The following GLYR1 variants were observed in gnomAD, a reference collection of about 807,000 sequenced individuals.
The protein encoded by GLYR1 is glyoxylate reductase 1 homolog, also known as cytokine-like nuclear factor N-PAC.
GLYR1 carries 21 observed loss-of-function variants against 72.7 expected under a neutral mutation model. The observed-to-expected ratio is 0.29, with a 90% CI of 0.20 to 0.42. GLYR1 has a LOEUF of 0.42. GLYR1 is among the 10% of genes least tolerant of loss of function. The pLI, the probability that GLYR1 is intolerant of heterozygous loss-of-function variation, is 1.00. For synonymous variants in GLYR1, 392 were observed against 270.2 expected, an observed-to-expected ratio of 1.45 and a Z score of -4.42; for missense variants, 594 against 712.1, an observed-to-expected ratio of 0.83 and a Z score of 1.89.
chr16:4,846,991 C>T, intron 1 of GLYR1: 1 of 550,218 alleles, frequency 1.8e-6, no homozygotes, highest in East Asian at 3.4e-5. Flanking sequence ...GTGCAGACCC[C>T]ACCCGGCCGG....
intron 9 of GLYR1, 21 bp downstream of exon 9, chr16:4,821,359 C>G (rs766912307): frequency 1.2e-6 from 2 of 1,611,598 alleles, no homozygotes; most frequent in African/African-American, 2.7e-5. Flanking sequence ...CCACTGGAGG[C>G]CTTTTCATCA....
rs200289403 is a variant in GLYR1 at position 4,821,473 on chromosome 16, A to G, written c.733-20T>C. On this transcript the variant is annotated intron_variant, in intron 8 of 15. Coordinates refer to ENST00000321919, the MANE Select transcript of GLYR1 (RefSeq NM_032569.4). ...AGTTTCCTACGGACAGGAAGCACACATCATCAAGTCAGTCTGCCTGCAGTT... is the reference window on the plus strand; with the variant it reads ...AGTTTCCTACGGACAGGAAGCACACGTCATCAAGTCAGTCTGCCTGCAGTT... 1.5e-5 allele frequency: 25 copies of G among 1,614,148 alleles called. No homozygotes were observed. The Admixed American group carries it at 4.2e-4, about 27-fold the overall frequency.
chr16:4,842,084 T>C lies in GLYR1; in HGVS notation c.155+2990A>G, dbSNP rs181570671. On this transcript the variant is annotated intron_variant, in intron 3 of 15. Coordinates refer to ENST00000321919, the MANE Select transcript of GLYR1 (RefSeq NM_032569.4). ...GTGAAACCCTGCCTCTACTGAAAAA[T>C]ACAACAAAAATTAGCTGGGCATGGT... Among the ~76,000 whole-genome samples, 1,034 of 151,326 alleles carry C rather than the reference T, an allele frequency of 6.8e-3. 19 individuals carry two copies. The highest frequency in any genetic ancestry group is 0.024 in the African/African-American group (991 of 41,226).
At chr16:4,837,214 T>A (rs548060200) in intron 3 of GLYR1, among the ~76,000 whole-genome samples, 5 of 152,116 alleles carry the variant, frequency 3.3e-5, no homozygotes, top group African/African-American at 1.2e-4. Flanking sequence ...GGCAGGTGGA[T>A]TGAGGCCAGG....
intron 2 of GLYR1, 25 bp downstream of exon 2, chr16:4,846,149 C>G: frequency 6.2e-7 from 1 of 1,613,494 alleles, no homozygotes; most frequent in Admixed American, 1.7e-5. Flanking sequence ...CTTCAGATCT[C>G]TTCCTTTAGT....
At chr16:4,808,017 C>T (rs533537181) in intron 15 of GLYR1, among the ~76,000 whole-genome samples, 1 of 152,276 alleles carries the variant, frequency 6.6e-6, no homozygotes, top group East Asian at 1.9e-4. Flanking sequence ...AGGCGGATTA[C>T]TTGAGGCCAG....
At position 4,837,339 on chromosome 16, in the gene GLYR1, AG is replaced by A. The variant is rs562033126; in HGVS notation, c.156-4428del. ...TCCCAGCTACTTAGGAGGCTGCGGC[AG>A]GAACTGCTTGAACCCGGGAGGTGGA... On this transcript the variant is annotated intron_variant, in intron 3 of 15. Transcript: ENST00000321919. 2.2e-3 allele frequency among the ~76,000 whole-genome samples: 335 copies of A among 152,100 alleles called. 4 individuals are homozygous for A. Among genetic ancestry groups the A allele is most frequent in the African/African-American group, 7.9e-3 (329 of 41,494 alleles).
intron 9 of GLYR1, among the ~76,000 whole-genome samples, chr16:4,819,127 T>C (rs1487082307): frequency 1.3e-5 from 2 of 152,222 alleles, no homozygotes; most frequent in African/African-American, 4.8e-5. Context: ...CCTTTCCTCA[T>C]TTCTGATCAT....
Position 4,846,222 on chromosome 16 carries a change from A to G in GLYR1, c.39-12T>C, listed in dbSNP as rs1264746533. ...GGCCGAGTTTCCCCCTAGAGAAAAC[A>G]CAAAGAGTCAACACTTGCCCTGCAA... On this transcript the variant is annotated splice_polypyrimidine_tract_variant and intron_variant, in intron 1 of 15. Coordinates refer to ENST00000321919, the MANE Select transcript of GLYR1 (RefSeq NM_032569.4). 2.5e-6 allele frequency: 4 copies of G among 1,613,764 alleles called. No individual in the cohort carries two copies. In the African/African-American group the frequency reaches 4.0e-5, roughly 16 times the overall value.
intron 12 of GLYR1, among the ~76,000 whole-genome samples, chr16:4,813,028 T>C (rs1304652472): frequency 2.0e-5 from 3 of 151,160 alleles, no homozygotes; most frequent in African/African-American, 7.3e-5. Flanking sequence ...AGTGGCACGA[T>C]CACAGCTCAC....
intron 2 of GLYR1, 115 bp from the exon 3 acceptor site, chr16:4,845,268 T>A: frequency 1.4e-6 from 1 of 690,136 alleles, no homozygotes; most frequent in Non-Finnish European, 2.6e-6. Flanking sequence ...TTAAAAGGAC[T>A]TACTTACAAA....
intron 3 of GLYR1, among the ~76,000 whole-genome samples, chr16:4,841,951 C>A (rs1246236659): frequency 6.6e-6 from 1 of 152,176 alleles, no homozygotes; most frequent in Non-Finnish European, 1.5e-5. Flanking sequence ...GGATTCAAAT[C>A]CCATCTCTGG....
rs761730163 is a variant in GLYR1 at position 4,823,804 on chromosome 16, G to T, written c.624+17C>A. 1 of 1,607,116 alleles carries T rather than the reference G, an allele frequency of 6.2e-7. No individual in the cohort carries two copies. The highest frequency in any genetic ancestry group is 8.5e-7 in the Non-Finnish European group (1 of 1,175,170). On this transcript the variant is annotated intron_variant, in intron 6 of 15. Transcript: ENST00000321919. The stretch of plus-strand genomic sequence containing the variant: ...CCCTAAGCCACAGCTTGTCCTGCCT[G>T]CAGGAGAGCTCCTTACCTCGCTTGC...
At chr16:4,845,019 C>T in intron 3 of GLYR1, 55 bp downstream of exon 3, 1 of 1,163,690 alleles carries the variant, frequency 8.6e-7, no homozygotes, top group Non-Finnish European at 1.3e-6. Flanking sequence ...GCAGCTCAGA[C>T]TCCAGGTAAC....
chr16:4,806,606 A>AAGCCTCGACCC (rs1459001948), intron 15 of GLYR1, among the ~76,000 whole-genome samples: 9 of 151,468 alleles, frequency 5.9e-5, no homozygotes, highest in African/African-American at 2.2e-4. Context: ...GGGCTTGCTT[A>AAGCCTCGACCC]AGCCTCGACC....
intron 12 of GLYR1, 79 bp downstream of exon 12, chr16:4,813,658 A>T: frequency 1.6e-6 from 2 of 1,243,734 alleles, no homozygotes; most frequent in Non-Finnish European, 2.3e-6. Flanking sequence ...AGAGTAACTT[A>T]ACTGCCCACT....
At chr16:4,820,818 T>G (rs564554143) in intron 9 of GLYR1, among the ~76,000 whole-genome samples, 2 of 152,296 alleles carry the variant, frequency 1.3e-5, no homozygotes, top group South Asian at 2.1e-4. Flanking sequence ...TGGGCGCAAG[T>G]TGGGTCTGGG....
rs115841559 is a variant in GLYR1 at position 4,827,356 on chromosome 16, C to T, written c.538-3449G>A. Among the ~76,000 whole-genome samples, 350 of 152,272 alleles carry T rather than the reference C, an allele frequency of 2.3e-3. 4 individuals carry two copies. Among genetic ancestry groups the T allele is most frequent in the African/African-American group, 3.9e-3 (164 of 41,552 alleles). On this transcript the variant is annotated intron_variant, in intron 5 of 15. Coordinates refer to ENST00000321919, the MANE Select transcript of GLYR1 (RefSeq NM_032569.4). ...CACCAAAATTCCAAAGCCCAGGCACCGATTCCCTACCTGTCTGAAGGTGCT... is the reference window on the plus strand; with the variant it reads ...CACCAAAATTCCAAAGCCCAGGCACTGATTCCCTACCTGTCTGAAGGTGCT...
At chr16:4,838,957 G>T (rs1487106181) in intron 3 of GLYR1, among the ~76,000 whole-genome samples, 2 of 152,130 alleles carry the variant, frequency 1.3e-5, no homozygotes, top group Non-Finnish European at 2.9e-5. Context: ...CTCAATCACA[G>T]TTCACTGTAG....
Sources: gnomAD v4.1 joint callset for allele counts (sites outside exome capture counted in the v4.1 genomes callset) on GRCh38, gnomAD v4.1.1 for gene constraint, MANE v1.5 for transcripts, NCBI Gene and HGNC (gene_info 2026-07-23, HGNC 2026-07-21) for gene names.